TENM3: variants seen among roughly 807,000 people sequenced by gnomAD.
TENM3 encodes the protein teneurin-3.
Under a neutral mutation model 255.1 loss-of-function variants are expected in TENM3, and 63 were observed. The ratio of observed to expected loss-of-function variants is 0.25; its 90% CI spans 0.20 to 0.30. TENM3 has a LOEUF of 0.30. Among genes scored for constraint, TENM3 ranks in the 10% least tolerant of loss-of-function variants. TENM3 has a pLI of 1.00. For missense variants in TENM3, 2,929 were observed against 3,461.1 expected (o/e 0.85, Z 3.86); for synonymous variants, 1,306 against 1,322.3 (o/e 0.99, Z 0.27).
intron 5 of TENM3, among the ~76,000 whole-genome samples, chr4:182,653,086 A>G (rs1220857536): frequency 6.6e-6 from 1 of 152,092 alleles, no homozygotes; most frequent in Non-Finnish European, 1.5e-5. Flanking sequence ...AAATTAGTAA[A>G]CATAATCATA....
chr4:182,085,511 A>C, the TENM3 span, among the ~76,000 whole-genome samples: 1 of 152,204 alleles, frequency 6.6e-6, no homozygotes, highest in Non-Finnish European at 1.5e-5. Flanking sequence ...AGCAATAGGA[A>C]ATAGCATGTC....
upstream of TENM3, among the ~76,000 whole-genome samples, chr4:182,241,663 C>T (rs147567781): frequency 3.5e-3 from 535 of 151,960 alleles, 2 homozygotes; most frequent in African/African-American, 0.012. Flanking sequence ...GCATGTGCCA[C>T]CATGCCCAGC....
At chr4:182,639,370 C>A (rs1354723022) in intron 5 of TENM3, among the ~76,000 whole-genome samples, 3 of 152,166 alleles carry the variant, frequency 2.0e-5, no homozygotes. Context: ...AATAGTACAG[C>A]TATGGGGAAA....
At chr4:182,722,498 A>G (rs537370830) in intron 13 of TENM3, among the ~76,000 whole-genome samples, 1 of 152,134 alleles carries the variant, frequency 6.6e-6, no homozygotes, top group East Asian at 1.9e-4. Flanking sequence ...AAGGAGCTTA[A>G]TGAGACAGTT....
At chr4:181,950,107 C>T in the TENM3 span, among the ~76,000 whole-genome samples, 1 of 152,090 alleles carries the variant, frequency 6.6e-6, no homozygotes, top group Admixed American at 6.6e-5. Context: ...GACATTCCAC[C>T]ACAAAAGAAG....
Position 182,705,408 on chromosome 4 carries a change from A to G in TENM3, c.2222-8679A>G, listed in dbSNP as rs531007557. ...TTTATGATGTACGTATCTGATGTCT[A>G]CACTATACCGAGGATTCAAGCCAGT... On this transcript the variant is annotated intron_variant, in intron 12 of 27. Transcript: ENST00000511685. Among the ~76,000 whole-genome samples the G allele has an allele frequency of 3.9e-5, 6 of 152,346 alleles. No homozygotes were observed. In the South Asian group the frequency reaches 1.2e-3, roughly 32 times the overall value.
At chr4:181,901,723 C>G in the TENM3 span, among the ~76,000 whole-genome samples, 1 of 152,196 alleles carries the variant, frequency 6.6e-6, no homozygotes, top group African/African-American at 2.4e-5. Flanking sequence ...CACAGAATTT[C>G]ACCACAATGT....
chr4:182,686,764 T>C (rs2152572979), intron 11 of TENM3, among the ~76,000 whole-genome samples: 2 of 152,238 alleles, frequency 1.3e-5, no homozygotes, highest in Admixed American at 1.3e-4. Context: ...GTGTGCTAAA[T>C]GCTGATAAAC....
intron 1 of TENM3, among the ~76,000 whole-genome samples, chr4:182,173,611 G>A (rs541837129): frequency 9.9e-5 from 15 of 152,264 alleles, no homozygotes; most frequent in African/African-American, 7.2e-5. Flanking sequence ...TAGGAAGACC[G>A]ACAGCCTATA....
Position 182,161,415 on chromosome 4 carries a change from C to CAAA in TENM3, c.-76+16681_-76+16683dup, listed in dbSNP as rs70954290. Among the ~76,000 whole-genome samples the CAAA allele has an allele frequency of 5.6e-3, 245 of 43,820 alleles. 4 individuals are homozygous for CAAA. The highest frequency in any genetic ancestry group is 0.023 in the African/African-American group (225 of 9,720). The allele number at this position is 43,820 out of a possible 152,430, so 28.7% of individuals were successfully genotyped here. ...TGGGCGACAGAGCGAGACTCCGTCT[C>CAAA]AAAAAAAAAAAAAAAAAAAAAATTA... On this transcript the variant is annotated intron_variant, in intron 1 of 2. Transcript: ENST00000512480.
chr4:181,839,449 G>GAT, the TENM3 span, among the ~76,000 whole-genome samples: 16 of 126,452 alleles, frequency 1.3e-4, no homozygotes, highest in Admixed American at 3.4e-4. Flanking sequence ...TGTGTGCATT[G>GAT]ATATATATAT....
At chr4:181,808,347 A>G in the TENM3 span, among the ~76,000 whole-genome samples, 1 of 152,204 alleles carries the variant, frequency 6.6e-6, no homozygotes, top group Non-Finnish European at 1.5e-5. Flanking sequence ...GGTCTCAAAT[A>G]GGTTTTTGCT....
chr4:181,953,818 C>A, the TENM3 span, among the ~76,000 whole-genome samples: 3 of 151,786 alleles, frequency 2.0e-5, no homozygotes, highest in African/African-American at 7.3e-5. Flanking sequence ...TAGAATTCAC[C>A]CATTTAAGTG....
the TENM3 span, among the ~76,000 whole-genome samples, chr4:181,499,135 C>A: frequency 6.6e-6 from 1 of 152,126 alleles, no homozygotes; most frequent in Non-Finnish European, 1.5e-5. Context: ...CAACACTGAA[C>A]AGGATGACCA....
intron 7 of TENM3, among the ~76,000 whole-genome samples, chr4:182,679,038 A>G (rs1043454359): frequency 7.9e-5 from 12 of 152,144 alleles, no homozygotes; most frequent in East Asian, 3.9e-4. Context: ...AGGGAGGGGA[A>G]CATCACCCCA....
chr4:182,331,866 A>G (rs1313243633), intron 2 of TENM3, among the ~76,000 whole-genome samples: 2 of 152,216 alleles, frequency 1.3e-5, no homozygotes, highest in Non-Finnish European at 2.9e-5. Flanking sequence ...ATAAGCAAAA[A>G]CTATTAAAAA....
intron 3 of TENM3, among the ~76,000 whole-genome samples, chr4:182,514,043 C>T (rs1392864199): frequency 1.3e-5 from 2 of 152,264 alleles, no homozygotes; most frequent in Non-Finnish European, 2.9e-5. Context: ...TCCTAACCAA[C>T]CCTGATGCTT....
chr4:181,820,743 CA>C, the TENM3 span, among the ~76,000 whole-genome samples: 2 of 152,278 alleles, frequency 1.3e-5, no homozygotes, highest in Admixed American at 1.3e-4. Flanking sequence ...AGATAGAGAA[CA>C]GGGGGTTGGG....
At chr4:182,713,639 G>C (rs1236846494) in intron 12 of TENM3, among the ~76,000 whole-genome samples, 1 of 152,186 alleles carries the variant, frequency 6.6e-6, no homozygotes, top group Non-Finnish European at 1.5e-5. Context: ...TTTGGAGTTT[G>C]AGGGAATTTT....
Sources: gnomAD v4.1 joint callset for allele counts (sites outside exome capture counted in the v4.1 genomes callset) on GRCh38, gnomAD v4.1.1 for gene constraint, MANE v1.5 for transcripts, NCBI Gene and HGNC (gene_info 2026-07-23, HGNC 2026-07-21) for gene names.